The following MED26 variants were observed in gnomAD, a reference collection of about 807,000 sequenced individuals.
The protein encoded by MED26 is mediator of RNA polymerase II transcription subunit 26.
In MED26, 7 loss-of-function variants were observed where a neutral mutation model predicts 43.7. The observed-to-expected ratio is 0.16, with a 90% CI of 0.09 to 0.30. The LOEUF (loss-of-function observed/expected upper bound fraction) is 0.30. MED26 is among the 10% of genes least tolerant of loss of function. MED26 has a pLI of 1.00. For synonymous variants in MED26, 375 were observed against 371.1 expected (o/e 1.01, Z -0.12); for missense variants, 784 against 840.6 (o/e 0.93, Z 0.83).
rs73514998 is a variant in MED26 at position 16,584,287 on chromosome 19, A to G, written c.73-5878T>C. Among the ~76,000 whole-genome samples the G allele has an allele frequency of 1.4e-3, 211 of 148,648 alleles. 1 individual carries two copies. Among genetic ancestry groups the G allele is most frequent in the African/African-American group, 5.2e-3 (207 of 39,714 alleles). On this transcript the variant is annotated intron_variant, in intron 1 of 2. Transcript: ENST00000263390. ...AAAAAGAAAAAAAAAACCGAAACCC[A>G]AACACTGCCCCCCCCCGCCCCGCCA...
Position 16,627,690 on chromosome 19 carries a change from C to T in MED26, c.72+182G>A, listed in dbSNP as rs528498008. ...CCTCGGCCTCACGTACCGAGCGCTG[C>T]CGGGCTGCCCGACCTGCCCCCGGCC... On this transcript the variant is annotated intron_variant, in intron 1 of 2. Transcript: ENST00000263390. Among the ~76,000 whole-genome samples the T allele has an allele frequency of 2.6e-5, 4 of 152,352 alleles. No homozygotes were observed. In the South Asian group the frequency reaches 8.3e-4, roughly 32 times the overall value.
chr19:16,601,313 G>A (rs918336098), intron 1 of MED26, among the ~76,000 whole-genome samples: 3 of 152,030 alleles, frequency 2.0e-5, no homozygotes, highest in South Asian at 2.1e-4. Flanking sequence ...GCGCCACCAC[G>A]CCCAGCTAAT....
chr19:16,606,657 A>G (rs2086174723), intron 1 of MED26, among the ~76,000 whole-genome samples: 1 of 152,276 alleles, frequency 6.6e-6, no homozygotes, highest in Non-Finnish European at 1.5e-5. Flanking sequence ...GGCATTAGCC[A>G]CGATGAAACC....
intron 1 of MED26, among the ~76,000 whole-genome samples, chr19:16,604,008 G>C (rs1251227453): frequency 1.3e-5 from 2 of 152,230 alleles, no homozygotes; most frequent in Non-Finnish European, 2.9e-5. Context: ...CACAAGTAGA[G>C]GCTCCCCTGG....
Position 16,577,487 on chromosome 19 carries a change from C to T in MED26, c.343G>A (p.Val115Met). The change falls in exon 3 of 3, where the codon GTG becomes ATG. Residue 115 changes from valine to methionine, a missense_variant. Transcript: ENST00000263390. The surrounding 1 kb of genome is among the most constrained non-coding windows in gnomAD (Gnocchi z 8.1). ...NGGAHNCRPE[V>M]GAAGPPRSIH... ...CTCCTGGGTGGGCCAGCCGCCCCCA[C>T]CTCCGGCCGGCAGTTGTGTGCGCCC... 6.3e-7 allele frequency: 1 copy of T among 1,589,772 alleles called. No individual in the cohort carries two copies. The highest frequency in any genetic ancestry group is 1.7e-4 in the Middle Eastern group (1 of 5,902).
At chr19:16,583,128 T>C (rs2086053792) in intron 1 of MED26, among the ~76,000 whole-genome samples, 2 of 152,252 alleles carry the variant, frequency 1.3e-5, no homozygotes, top group South Asian at 4.1e-4. Flanking sequence ...AAGGCAGCTC[T>C]TCAGGCTTGC....
intron 1 of MED26, among the ~76,000 whole-genome samples, chr19:16,621,306 A>C (rs928154917): frequency 1.3e-5 from 2 of 152,234 alleles, no homozygotes; most frequent in Admixed American, 1.3e-4. Flanking sequence ...TCAAAGAAGC[A>C]ATGAGACACT....
Position 16,627,996 on chromosome 19 carries a change from G to T in MED26, c.-53C>A. The T allele has an allele frequency of 8.2e-7, 1 of 1,220,324 alleles. No individual in the cohort carries two copies. Among genetic ancestry groups the T allele is most frequent in the Non-Finnish European group, 1.1e-6 (1 of 911,708 alleles). 75.6% of individuals were successfully genotyped at this position (1,220,324 alleles called of 1,614,324 possible). On this transcript the variant is annotated 5_prime_UTR_variant, in exon 1 of 3. Transcript: ENST00000263390. The stretch of plus-strand genomic sequence containing the variant: ...CGGGCCAGCGGGCGGGCGGGCTGAG[G>T]CGGGGGACGGGGGTCACTCACTCGC...
chr19:16,598,890 A>G (rs1389179320), intron 1 of MED26, among the ~76,000 whole-genome samples: 1 of 152,176 alleles, frequency 6.6e-6, no homozygotes, highest in Non-Finnish European at 1.5e-5. Context: ...TGAAAAATTT[A>G]ATGGCTACAA....
chr19:16,626,451 G>A (rs2086275413), intron 1 of MED26, among the ~76,000 whole-genome samples: 1 of 152,080 alleles, frequency 6.6e-6, no homozygotes, highest in Non-Finnish European at 1.5e-5. Flanking sequence ...TAACAAAAAT[G>A]TACAATATAA....
intron 1 of MED26, among the ~76,000 whole-genome samples, chr19:16,582,772 C>G (rs2122387253): frequency 6.6e-6 from 1 of 152,348 alleles, no homozygotes; most frequent in South Asian, 2.1e-4. Context: ...CTGTGTCCAC[C>G]TGGGCTGGAG....
At position 16,576,634 on chromosome 19, in the gene MED26, G is replaced by A. The variant is rs540302307; in HGVS notation, c.1196C>T (p.Pro399Leu). 1.2e-6 allele frequency: 2 copies of A among 1,614,226 alleles called. No homozygotes were observed. The highest frequency in any genetic ancestry group is 2.7e-5 in the African/African-American group (2 of 75,064). ...SDSKKKKRYR[P>L]RDYTVNLDGQ... Reference sequence around the variant, plus strand: ...GTCCAAGTTAACCGTATAGTCTCGAGGTCGGTACCTCTTCTTCTTTTTACT... The same window carrying A: ...GTCCAAGTTAACCGTATAGTCTCGAAGTCGGTACCTCTTCTTCTTTTTACT... Residue 399 changes from proline (P) to leucine (L), a missense_variant, in exon 3 of 3, where the codon CCT becomes CTT. By Grantham distance (98) the Pro-to-Leu change is moderately conservative. Transcript: ENST00000263390. This position sits in a 1 kb window ranked among gnomAD's most constrained non-coding sequence, Gnocchi z 6.8.
intron 1 of MED26, among the ~76,000 whole-genome samples, chr19:16,607,332 T>C (rs1056297570): frequency 2.0e-5 from 3 of 150,588 alleles, no homozygotes; most frequent in South Asian, 2.1e-4. Flanking sequence ...GGCTATGCCA[T>C]TGCACTCATG....
chr19:16,612,963 C>T (rs2086206194), intron 1 of MED26, among the ~76,000 whole-genome samples: 2 of 152,178 alleles, frequency 1.3e-5, no homozygotes, highest in Admixed American at 6.5e-5. Flanking sequence ...TCAGTATCTA[C>T]AAACTCATCT....
In MED26 at chr19:16,576,984, G is replaced by A; in HGVS notation, c.846C>T (p.Gly282=). The change falls in exon 3 of 3, where the codon GGC becomes GGT. Residue 282 remains glycine (G), a synonymous_variant. Transcript: ENST00000263390. This position sits in a 1 kb window ranked among gnomAD's most constrained non-coding sequence, Gnocchi z 6.8. ...ACAAGCTCTGCTGCCGGGCAAAGGA[G>A]CCCTCATGCCGTGAGTTCCGAGGAC... ...SFSPRNSRHE[G]SFARQQSLYA... 1 of 1,604,542 alleles carries A rather than the reference G, an allele frequency of 6.2e-7. No homozygotes were observed. Among genetic ancestry groups the A allele is most frequent in the Non-Finnish European group, 8.5e-7 (1 of 1,173,874 alleles).
chr19:16,610,500 C>T (rs557577567), intron 1 of MED26: 1 of 151,428 alleles, frequency 6.6e-6, no homozygotes, highest in African/African-American at 2.4e-5. Context: ...TCAAGCAATT[C>T]TCCTGCCTCA....
In MED26 at chr19:16,587,139, T is replaced by C. The variant is rs2086074942; in HGVS notation, c.73-8730A>G. ...CCCCCCAACCCCCAACACACAGTCG[T>C]GTCTGCTGAGGACACACGGGTGAAT... On this transcript the variant is annotated intron_variant, in intron 1 of 2. Transcript: ENST00000263390. This position sits in a 1 kb window ranked among gnomAD's most constrained non-coding sequence, Gnocchi z 4.9. 6.6e-6 allele frequency: 1 copy of C among 150,462 alleles called. No homozygotes were observed. Among genetic ancestry groups the C allele is most frequent in the Non-Finnish European group, 1.5e-5 (1 of 67,644 alleles). 9.3% of individuals were successfully genotyped at this position (150,462 alleles called of 1,614,324 possible).
At chr19:16,582,717 A>C (rs1218114857) in intron 1 of MED26, among the ~76,000 whole-genome samples, 1 of 152,136 alleles carries the variant, frequency 6.6e-6, no homozygotes, top group Non-Finnish European at 1.5e-5. Context: ...GGCAGCACCT[A>C]AGGTGGCCTC....
In MED26 at chr19:16,578,365, C is replaced by T. The variant is rs1340120064; in HGVS notation, c.117G>A (p.Glu39=). 6.2e-7 allele frequency: 1 copy of T among 1,614,102 alleles called. No individual in the cohort carries two copies. The highest frequency in any genetic ancestry group is 8.5e-7 in the Non-Finnish European group (1 of 1,179,992). ...GTGCCTCTTTGGTAATAGGGTATTTCTCCAGGCTGGAGATGACTTCCAGCA... is the reference window on the plus strand; with the variant it reads ...GTGCCTCTTTGGTAATAGGGTATTTTTCCAGGCTGGAGATGACTTCCAGCA... ...VAVLEVISSL[E]KYPITKEALE... is the part of the protein sequence containing the mutation. Residue 39 remains glutamate, a synonymous_variant, in exon 2 of 3, where the codon GAG becomes GAA. Coordinates refer to ENST00000263390, the MANE Select transcript of MED26 (RefSeq NM_004831.5).
Sources: gnomAD v4.1 joint callset for allele counts (sites outside exome capture counted in the v4.1 genomes callset) on GRCh38, gnomAD v4.1.1 for gene constraint, Gnocchi (gnomAD v3.1) non-coding constraint, MANE v1.5 for transcripts, NCBI Gene and HGNC (gene_info 2026-07-23, HGNC 2026-07-21) for gene names.